GRID2: variants seen among roughly 807,000 people sequenced by gnomAD.
The protein encoded by GRID2 is glutamate ionotropic receptor delta type subunit 2, also known as glutamate receptor ionotropic, delta-2.
A neutral mutation model predicts 114.8 loss-of-function variants in GRID2; 33 were observed. The observed-to-expected ratio is 0.29, with a 90% CI of 0.22 to 0.38. The LOEUF is 0.38. Ranked by LOEUF, GRID2 falls within the 10% of genes least tolerant of loss-of-function variation. GRID2 has a pLI of 1.00. For missense variants in GRID2, 1,184 were observed against 1,257.7 expected, an observed-to-expected ratio of 0.94 and a Z score of 0.89; for synonymous variants, 505 against 449.9, an observed-to-expected ratio of 1.12 and a Z score of -1.55.
chr4:92,600,044 G>GTATA (rs70942915), intron 2 of GRID2, among the ~76,000 whole-genome samples: 1,463 of 54,252 alleles, frequency 0.027, 53 homozygotes, highest in Non-Finnish European at 0.031. Flanking sequence ...GTGTGTGTGT[G>GTATA]TATATATATA....
intron 1 of GRID2, among the ~76,000 whole-genome samples, chr4:92,423,178 G>A (rs1214289240): frequency 6.6e-6 from 1 of 152,138 alleles, no homozygotes; most frequent in African/African-American, 2.4e-5. Flanking sequence ...GTGGTAGAAA[G>A]AAATATATCC....
chr4:92,883,228 C>G (rs2149460220), intron 2 of GRID2, among the ~76,000 whole-genome samples: 1 of 152,266 alleles, frequency 6.6e-6, no homozygotes, highest in South Asian at 2.1e-4. Flanking sequence ...ATTTTCTTTG[C>G]TCATCCATAA....
chr4:93,448,716 A>G (rs1254285025), intron 10 of GRID2, among the ~76,000 whole-genome samples: 1 of 152,008 alleles, frequency 6.6e-6, no homozygotes, highest in East Asian at 2.0e-4. Context: ...CTTTAAAATT[A>G]GTGGTAATAA....
At chr4:92,793,434 C>G (rs759333554) in intron 2 of GRID2, among the ~76,000 whole-genome samples, 1 of 151,512 alleles carries the variant, frequency 6.6e-6, no homozygotes, top group African/African-American at 2.4e-5. Flanking sequence ...GGAAAAATAA[C>G]TAATGGGTAC....
intron 1 of GRID2, among the ~76,000 whole-genome samples, chr4:92,306,765 G>A (rs1200657645): frequency 6.6e-6 from 1 of 152,164 alleles, no homozygotes; most frequent in African/African-American, 2.4e-5. Context: ...ACTGTTGTCT[G>A]TCAGAGTGGC....
At chr4:93,563,979 G>T (rs1735162758) in intron 13 of GRID2, among the ~76,000 whole-genome samples, 3 of 151,968 alleles carry the variant, frequency 2.0e-5, no homozygotes, top group African/African-American at 7.2e-5. Context: ...AGAAAAAGAT[G>T]TTAATATTAA....
At chr4:92,311,085 T>A (rs1269612088) in intron 1 of GRID2, among the ~76,000 whole-genome samples, 1 of 152,056 alleles carries the variant, frequency 6.6e-6, no homozygotes, top group Non-Finnish European at 1.5e-5. Flanking sequence ...AGTACCAAGG[T>A]GTTACCTACA....
intron 13 of GRID2, among the ~76,000 whole-genome samples, chr4:93,610,994 C>A: frequency 7.6e-6 from 1 of 132,126 alleles, no homozygotes; most frequent in South Asian, 2.5e-4. Flanking sequence ...ATTTCAGAGC[C>A]TGTTATTGGT....
At chr4:93,799,453 CA>C (rs768309334) in intron 1 of GRID2, among the ~76,000 whole-genome samples, 251 of 148,284 alleles carry the variant, frequency 1.7e-3, no homozygotes, top group Non-Finnish European at 2.8e-3. Context: ...TTTTTTTTAA[CA>C]AAAATCTTTA....
intron 1 of GRID2, among the ~76,000 whole-genome samples, chr4:92,474,825 T>G (rs1388331603): frequency 6.6e-6 from 1 of 152,026 alleles, no homozygotes; most frequent in Non-Finnish European, 1.5e-5. Context: ...TCAATTTAGG[T>G]TTTTTTCTTT....
chr4:92,481,119 G>T (rs1722567351), intron 1 of GRID2, among the ~76,000 whole-genome samples: 1 of 152,112 alleles, frequency 6.6e-6, no homozygotes, highest in Non-Finnish European at 1.5e-5. Context: ...CGTAAACATG[G>T]TAAGCCAGAA....
At position 93,202,317 on chromosome 4, in the gene GRID2, T is replaced by G. The variant is rs145390676; in HGVS notation, c.736-5087T>G. 4.9e-3 allele frequency among the ~76,000 whole-genome samples: 750 copies of G among 152,264 alleles called. 7 individuals are homozygous for G. Among genetic ancestry groups the G allele is most frequent in the African/African-American group, 0.017 (724 of 41,566 alleles). On this transcript the variant is annotated intron_variant, in intron 4 of 15. Transcript: ENST00000282020. The stretch of plus-strand genomic sequence containing the variant: ...CTAGTGTTTATGAGCTTGTAAAATA[T>G]TTCTAAGAATTCACACAATGAGCCC...
chr4:93,163,977 A>G (rs1738006991), intron 4 of GRID2, among the ~76,000 whole-genome samples: 1 of 151,724 alleles, frequency 6.6e-6, no homozygotes, highest in South Asian at 2.1e-4. Context: ...TAATTGCCCC[A>G]CTCCTATCCC....
chr4:92,783,027 A>G (rs1430277136), intron 2 of GRID2, among the ~76,000 whole-genome samples: 3 of 152,238 alleles, frequency 2.0e-5, no homozygotes, highest in Non-Finnish European at 4.4e-5. Flanking sequence ...TCTTAGTATT[A>G]TCAATGTGTT....
chr4:92,769,756 A>G (rs554607315), intron 2 of GRID2, among the ~76,000 whole-genome samples: 1 of 152,122 alleles, frequency 6.6e-6, no homozygotes, highest in Admixed American at 6.5e-5. Context: ...TCACAGCTGG[A>G]GTGACTGGGA....
At chr4:93,424,563 T>G (rs980653472) in intron 10 of GRID2, among the ~76,000 whole-genome samples, 2 of 152,120 alleles carry the variant, frequency 1.3e-5, no homozygotes, top group East Asian at 3.8e-4. Context: ...GTATCCTGAT[T>G]CTTTATATGT....
At chr4:92,880,572 A>G (rs964175281) in intron 2 of GRID2, among the ~76,000 whole-genome samples, 2 of 152,226 alleles carry the variant, frequency 1.3e-5, no homozygotes, top group Non-Finnish European at 2.9e-5. Context: ...TATATCATAG[A>G]AAGTGTTTGT....
chr4:92,619,879 T>C (rs1436558287), intron 2 of GRID2, among the ~76,000 whole-genome samples: 5 of 151,566 alleles, frequency 3.3e-5, no homozygotes, highest in Non-Finnish European at 4.4e-5. Flanking sequence ...TTTGGCCATT[T>C]GCGAAGTTAC....
intron 1 of GRID2, among the ~76,000 whole-genome samples, chr4:92,584,917 G>A (rs1194277264): frequency 1.3e-5 from 2 of 152,006 alleles, no homozygotes; most frequent in Non-Finnish European, 2.9e-5. Context: ...AATTTATGAA[G>A]CATGAGAAGG....
Sources: gnomAD v4.1 joint callset for allele counts (sites outside exome capture counted in the v4.1 genomes callset) on GRCh38, gnomAD v4.1.1 for gene constraint, MANE v1.5 for transcripts, NCBI Gene and HGNC (gene_info 2026-07-23, HGNC 2026-07-21) for gene names.